The following CSMD2 variants were observed in gnomAD, a reference collection of about 807,000 sequenced individuals.
CSMD2 encodes the protein CUB and sushi domain-containing protein 2.
Under a neutral mutation model 398.5 loss-of-function variants are expected in CSMD2, and 130 were observed. The observed-to-expected ratio is 0.33, with a 90% CI of 0.28 to 0.38. The LOEUF (loss-of-function observed/expected upper bound fraction) is 0.38. Among genes scored for constraint, CSMD2 ranks in the 10% least tolerant of loss-of-function variants. The pLI is 1.00. For missense variants in CSMD2, 3,829 were observed against 4,764.9 expected (o/e 0.80, Z 5.78); for synonymous variants, 1,828 against 1,908.5 (o/e 0.96, Z 1.10).
At chr1:33,749,350 C>T (rs972917018) in intron 13 of CSMD2, among the ~76,000 whole-genome samples, 7 of 152,010 alleles carry the variant, frequency 4.6e-5, no homozygotes, top group African/African-American at 7.2e-5. Context: ...CCACCCGCCT[C>T]GGCCTCCCAA....
intron 5 of CSMD2, among the ~76,000 whole-genome samples, chr1:33,899,351 T>C (rs1303423461): frequency 6.6e-6 from 1 of 152,200 alleles, no homozygotes; most frequent in African/African-American, 2.4e-5. Flanking sequence ...CTCTCCAGGA[T>C]ACCCAAGGTC....
intron 13 of CSMD2, among the ~76,000 whole-genome samples, chr1:33,766,209 G>A (rs1036075489): frequency 3.3e-5 from 5 of 152,166 alleles, no homozygotes; most frequent in Non-Finnish European, 7.3e-5. Context: ...GTGTTTATGT[G>A]TGCGTCAATG....
At chr1:34,098,135 T>C (rs1263762022) in intron 1 of CSMD2, among the ~76,000 whole-genome samples, 4 of 117,130 alleles carry the variant, frequency 3.4e-5, no homozygotes, top group African/African-American at 6.6e-5. Flanking sequence ...AAATTGGAAA[T>C]CATCATTCTC....
chr1:33,796,747 G>A (rs2124899697), intron 10 of CSMD2, among the ~76,000 whole-genome samples: 1 of 152,312 alleles, frequency 6.6e-6, no homozygotes, highest in South Asian at 2.1e-4. Context: ...GCAGAATAGA[G>A]CCATATTTTT....
intron 3 of CSMD2, among the ~76,000 whole-genome samples, chr1:34,020,534 G>A (rs1322255581): frequency 3.9e-5 from 6 of 152,256 alleles, no homozygotes; most frequent in South Asian, 2.1e-4. Flanking sequence ...TGGCCCACCC[G>A]ACTCTCCCAG....
At chr1:33,900,031 T>A (rs577141608) in intron 5 of CSMD2, among the ~76,000 whole-genome samples, 25 of 152,226 alleles carry the variant, frequency 1.6e-4, no homozygotes, top group Non-Finnish European at 3.4e-4. Flanking sequence ...ACGGAGCATA[T>A]GCTGGGAGGC....
chr1:33,623,841 G>A (rs1049184979), intron 35 of CSMD2, among the ~76,000 whole-genome samples: 4 of 152,164 alleles, frequency 2.6e-5, no homozygotes, highest in Admixed American at 1.3e-4. Context: ...CAATGAGCCC[G>A]TAACCCACTC....
At chr1:33,975,670 G>A (rs999396548) in intron 3 of CSMD2, among the ~76,000 whole-genome samples, 1 of 152,098 alleles carries the variant, frequency 6.6e-6, no homozygotes, top group Non-Finnish European at 1.5e-5. Context: ...GAACCACCAG[G>A]GGGGAGGGGA....
chr1:34,039,370 C>A (rs190243434), intron 2 of CSMD2, among the ~76,000 whole-genome samples: 6 of 152,228 alleles, frequency 3.9e-5, no homozygotes, highest in Admixed American at 1.3e-4. Flanking sequence ...GGTCTCTGAG[C>A]AACTCCCCTA....
intron 2 of CSMD2, among the ~76,000 whole-genome samples, chr1:34,055,605 T>C (rs930282940): frequency 6.6e-6 from 1 of 152,174 alleles, no homozygotes; most frequent in Non-Finnish European, 1.5e-5. Context: ...TTACAAAGGA[T>C]ACCAATGAAC....
At chr1:33,525,575 C>T (rs1654695666) in intron 65 of CSMD2, among the ~76,000 whole-genome samples, 1 of 152,106 alleles carries the variant, frequency 6.6e-6, no homozygotes, top group Admixed American at 6.5e-5. Context: ...GGGAGATGGT[C>T]AAAGGGTACA....
rs190720465 is a variant in CSMD2, at chr1:33,652,476, A to G, written c.4448-15T>C. 1.2e-6 allele frequency: 2 copies of G among 1,612,772 alleles called. No homozygotes were observed. The highest frequency in any genetic ancestry group is 3.3e-5 in the Admixed American group (2 of 60,002). On this transcript the variant is annotated splice_polypyrimidine_tract_variant and intron_variant, in intron 27 of 70. Coordinates refer to ENST00000373381, the MANE Select transcript of CSMD2 (RefSeq NM_001281956.2). ...CCCGCAGGGAGCTGAGGAGAGAAGA[A>G]GACGAGGGTGAGGCTGCCTCTTCAC...
At chr1:33,972,942 A>G (rs987579864) in intron 3 of CSMD2, among the ~76,000 whole-genome samples, 1 of 152,112 alleles carries the variant, frequency 6.6e-6, no homozygotes, top group African/African-American at 2.4e-5. Flanking sequence ...CTAAAAGACT[A>G]TGAGTCTCCA....
chr1:33,702,601 C>T (rs561375834), intron 22 of CSMD2, among the ~76,000 whole-genome samples: 23 of 152,092 alleles, frequency 1.5e-4, no homozygotes, highest in African/African-American at 5.3e-4. Flanking sequence ...ACAATAAGAT[C>T]GAATTATAGA....
chr1:33,825,141 C>T (rs1401583886), intron 7 of CSMD2, among the ~76,000 whole-genome samples: 4 of 97,640 alleles, frequency 4.1e-5, no homozygotes, highest in Non-Finnish European at 7.7e-5. Flanking sequence ...CCTCCCCATG[C>T]CCAAGAAGAG....
intron 44 of CSMD2, among the ~76,000 whole-genome samples, chr1:33,596,063 A>G (rs79974656): frequency 0.029 from 4,406 of 152,232 alleles, 206 homozygotes; most frequent in African/African-American, 0.1. Context: ...TTTTTGCTCT[A>G]TCCATAGTTC....
Position 33,546,111 on chromosome 1 carries a change from T to A in CSMD2, c.9026A>T (p.His3009Leu). The A allele has an allele frequency of 6.2e-7, 1 of 1,614,160 alleles. No individual in the cohort carries two copies. The highest frequency in any genetic ancestry group is 8.5e-7 in the Non-Finnish European group (1 of 1,180,034). Residue 3009 changes from histidine to leucine, a missense_variant, in exon 57 of 71, where the codon CAC becomes CTC. This residue lies in a region of CSMD2 where 917 missense variants were observed against 1,199.5 expected (regional missense o/e 0.76). Coordinates refer to ENST00000373381, the MANE Select transcript of CSMD2 (RefSeq NM_001281956.2). ...GCGCTCTGACGATCCCCGGAGCACGTGGCCAGCTTCACAGCTGAAGCGCAT... is the reference window on the plus strand; with the variant it reads ...GCGCTCTGACGATCCCCGGAGCACGAGGCCAGCTTCACAGCTGAAGCGCAT... ...TVMRFSCEAG[H>L]VLRGSSERTC...
chr1:34,122,142 A>C (rs1662253735), intron 1 of CSMD2, among the ~76,000 whole-genome samples: 1 of 151,978 alleles, frequency 6.6e-6, no homozygotes, highest in Admixed American at 6.6e-5. Flanking sequence ...GTCTGGAGAC[A>C]TTTTTAATTA....
At chr1:33,562,608 G>C (rs1658675249) in intron 53 of CSMD2, among the ~76,000 whole-genome samples, 1 of 152,208 alleles carries the variant, frequency 6.6e-6, no homozygotes, top group African/African-American at 2.4e-5. Flanking sequence ...TCACGTGTCA[G>C]CTTGGTTAGG....
Sources: allele counts gnomAD v4.1 joint callset (sites outside exome capture counted in the v4.1 genomes callset), GRCh38; gene constraint gnomAD v4.1.1; regional missense constraint gnomAD v4.1.1; transcripts MANE v1.5; gene names NCBI Gene and HGNC (gene_info 2026-07-23, HGNC 2026-07-21).